Variants in XRCC1 observed in about 807,000 individuals in gnomAD.
XRCC1 encodes the protein DNA repair protein XRCC1.
A neutral mutation model predicts 83.3 loss-of-function variants in XRCC1; 52 were observed. The ratio of observed to expected loss-of-function variants is 0.62; its 90% CI spans 0.50 to 0.79. The LOEUF (loss-of-function observed/expected upper bound fraction) is 0.79, where lower values mean the gene tolerates loss of function less well. Ranked by LOEUF, XRCC1 falls within the 30% of genes least tolerant of loss-of-function variation. The probability of loss-of-function intolerance (pLI) is 0.00; values close to 1 mark genes in which losing one functional copy is unlikely to be tolerated. For synonymous variants in XRCC1, 281 were observed against 312.6 expected, an observed-to-expected ratio of 0.90 and a Z score of 1.07; for missense variants, 793 against 823.5, an observed-to-expected ratio of 0.96 and a Z score of 0.45.
intron 2 of XRCC1, among the ~76,000 whole-genome samples, chr19:43,573,219 ACAAG>A (rs1401084757): frequency 2.0e-5 from 3 of 151,952 alleles, no homozygotes; most frequent in Non-Finnish European, 4.4e-5. Context: ...ACTTATACCA[ACAAG>A]CATTCTTATA....
intron 14 of XRCC1, among the ~76,000 whole-genome samples, chr19:43,544,844 G>GT (rs1460789995): frequency 2.0e-5 from 3 of 151,608 alleles, no homozygotes; most frequent in Non-Finnish European, 4.4e-5. Flanking sequence ...GCGGGGGTCG[G>GT]GGGGGGTCTC....
intron 12 of XRCC1, among the ~76,000 whole-genome samples, chr19:43,546,340 G>A (rs1033791994): frequency 2.1e-5 from 3 of 141,984 alleles, no homozygotes; most frequent in Non-Finnish European, 4.6e-5. Context: ...AGACACAGGA[G>A]TCCAGCCCCC....
chr19:43,562,695 T>C (rs1268462648), intron 2 of XRCC1, among the ~76,000 whole-genome samples: 2 of 152,200 alleles, frequency 1.3e-5, no homozygotes, highest in African/African-American at 4.8e-5. Context: ...CAGTGAGTCA[T>C]GTTCGCATCA....
Position 43,554,824 on chromosome 19 carries a change from G to T in XRCC1, c.256-20C>A. 1.2e-6 allele frequency: 2 copies of T among 1,602,674 alleles called. No homozygotes were observed. Among genetic ancestry groups the T allele is most frequent in the South Asian group, 2.2e-5 (2 of 90,548 alleles). The stretch of plus-strand genomic sequence containing the variant: ...AAGGACCTGGGTGGGAGAAGCCACA[G>T]TGCATGAGAACCAGGGCAGGTTGGC... On this transcript the variant is annotated intron_variant, in intron 3 of 16. Transcript: ENST00000262887.
At position 43,564,165 on chromosome 19, in the gene XRCC1, G is replaced by A. The variant is rs114718097; in HGVS notation, c.145-3145C>T. Among the ~76,000 whole-genome samples the A allele has an allele frequency of 7.2e-3, 1,104 of 152,306 alleles. 10 individuals are homozygous for A. The highest frequency in any genetic ancestry group is 0.024 in the African/African-American group (981 of 41,558). On this transcript the variant is annotated intron_variant, in intron 2 of 16. Transcript: ENST00000262887. ...AGTGCCTGGAATACTGCCTGGCACC[G>A]AGCAAACACTACATAAATGTCAGCT... is the stretch of plus-strand genomic sequence containing the variant.
intron 4 of XRCC1, among the ~76,000 whole-genome samples, chr19:43,554,434 T>C (rs1015143672): frequency 2.5e-5 from 2 of 79,950 alleles, no homozygotes; most frequent in Admixed American, 3.1e-4. Context: ...GATGCTGCAG[T>C]TCACCCTTCC....
intron 4 of XRCC1, 36 bp downstream of exon 4, chr19:43,554,610 C>G (rs1426704692): frequency 2.5e-6 from 4 of 1,585,756 alleles, no homozygotes; most frequent in Non-Finnish European, 3.4e-6. Flanking sequence ...TTGCCCAGGA[C>G]CAAGGACTCT....
At chr19:43,550,529 C>T (rs777720168) in intron 10 of XRCC1, among the ~76,000 whole-genome samples, 1 of 152,174 alleles carries the variant, frequency 6.6e-6, no homozygotes, top group Non-Finnish European at 1.5e-5. Flanking sequence ...TTCTCAAATA[C>T]ACCAGGTACA....
chr19:43,552,792 C>T lies in XRCC1; in HGVS notation c.823+5G>A, dbSNP rs992183301. ...CTGTGGAAACAAGGGATCTAGTTAG[C>T]TCACATTTAGGTCTCTTGGGAACAG... is the stretch of plus-strand genomic sequence containing the variant. On this transcript the variant is annotated splice_donor_5th_base_variant and intron_variant, in intron 8 of 16. Transcript: ENST00000262887. The T allele has an allele frequency of 2.5e-6, 4 of 1,598,350 alleles. No individual in the cohort carries two copies. Among genetic ancestry groups the T allele is most frequent in the Non-Finnish European group, 3.4e-6 (4 of 1,173,740 alleles).
intron 2 of XRCC1, among the ~76,000 whole-genome samples, chr19:43,571,083 C>T (rs910927337): frequency 1.3e-5 from 2 of 151,126 alleles, no homozygotes; most frequent in Admixed American, 1.3e-4. Context: ...CCCTCCTCTG[C>T]TCGGAGCCCT....
intron 4 of XRCC1, 136 bp from the exon 5 acceptor site, chr19:43,553,819 C>T (rs1306812177): frequency 1.6e-5 from 11 of 669,428 alleles, no homozygotes; most frequent in Non-Finnish European, 2.5e-5. Flanking sequence ...GGGGCCCTGG[C>T]GATGGTGATG....
chr19:43,548,062 C>G (rs938640962), intron 10 of XRCC1, among the ~76,000 whole-genome samples: 1 of 140,022 alleles, frequency 7.1e-6, no homozygotes, highest in African/African-American at 2.5e-5. Flanking sequence ...CCAGCCGCCC[C>G]GTCGGGGGGG....
At chr19:43,559,752 T>C (rs1352559240) in intron 3 of XRCC1, among the ~76,000 whole-genome samples, 2 of 152,010 alleles carry the variant, frequency 1.3e-5, no homozygotes, top group African/African-American at 4.8e-5. Context: ...CCCTGGATTA[T>C]CCGGGTAGGC....
At chr19:43,557,792 C>CAAAAAAAAA (rs35267441) in intron 3 of XRCC1, among the ~76,000 whole-genome samples, 10 of 41,014 alleles carry the variant, frequency 2.4e-4, no homozygotes, top group African/African-American at 3.2e-4. Context: ...AATTCCATCT[C>CAAAAAAAAA]AAAAAAAAAA....
At chr19:43,572,985 T>C (rs1241334255) in intron 2 of XRCC1, among the ~76,000 whole-genome samples, 1 of 141,474 alleles carries the variant, frequency 7.1e-6, no homozygotes, top group Non-Finnish European at 1.5e-5. Flanking sequence ...CAGGCCGGAG[T>C]GCAGTGAAAC....
intron 2 of XRCC1, among the ~76,000 whole-genome samples, chr19:43,568,222 C>T (rs1266097354): frequency 2.0e-5 from 3 of 150,862 alleles, no homozygotes; most frequent in East Asian, 2.0e-4. Flanking sequence ...AGGCTGCGCA[C>T]GGCGTGGCTG....
intron 15 of XRCC1, 59 bp downstream of exon 15, chr19:43,544,085 T>C (rs2146040192): frequency 6.9e-7 from 1 of 1,453,114 alleles, no homozygotes; most frequent in East Asian, 2.4e-5. Context: ...TCCCAGCAGG[T>C]CCCTGAGCGT....
At chr19:43,549,425 A>G (rs981901540) in intron 10 of XRCC1, among the ~76,000 whole-genome samples, 33 of 151,964 alleles carry the variant, frequency 2.2e-4, no homozygotes, top group African/African-American at 8.0e-4. Flanking sequence ...ATGCCCAGCT[A>G]ATTTTTGTAT....
In XRCC1 at chr19:43,575,002, T is replaced by C. The variant is rs1340233641; in HGVS notation, c.52A>G (p.Thr18Ala). The change falls in exon 2 of 17, where the codon ACT (threonine) becomes GCT (alanine). Residue 18 changes from threonine to alanine, a missense_variant and splice_region_variant. By Grantham distance (58) the Thr-to-Ala change is moderately conservative. Coordinates refer to ENST00000262887, the MANE Select transcript of XRCC1 (RefSeq NM_006297.3). ...TTGAGAAGATTTTCTGCACAGTGAG[T>C]CTGGAAACAACAGTGGGAGAGGAGA... ...HVVSCSSQDS[T>A]HCAENLLKAD... is the part of the protein sequence containing the mutation. The C allele has an allele frequency of 1.9e-6, 3 of 1,613,256 alleles. No homozygotes were observed. Among genetic ancestry groups the C allele is most frequent in the Non-Finnish European group, 2.5e-6 (3 of 1,179,294 alleles).
Sources: allele counts gnomAD v4.1 joint callset (sites outside exome capture counted in the v4.1 genomes callset), GRCh38; gene constraint gnomAD v4.1.1; transcripts MANE v1.5; gene names NCBI Gene and HGNC (gene_info 2026-07-23, HGNC 2026-07-21).